ITIH5: variants seen among roughly 807,000 people sequenced by gnomAD.
ITIH5 encodes the protein inter-alpha-trypsin inhibitor heavy chain H5.
Under a neutral mutation model 77.5 loss-of-function variants are expected in ITIH5, and 65 were observed. The ratio of observed to expected loss-of-function variants is 0.84; its 90% confidence interval spans 0.69 to 1.03. ITIH5 has a LOEUF of 1.03. Among genes scored for constraint, ITIH5 ranks in the 50% least tolerant of loss-of-function variants. ITIH5 has a pLI of 0.00. For missense variants in ITIH5, 1,208 were observed against 1,213.1 expected (o/e 1.00, Z 0.06); for synonymous variants, 525 against 494.3 (o/e 1.06, Z -0.82).
intron 3 of ITIH5, among the ~76,000 whole-genome samples, chr10:7,641,673 G>A (rs1411388085): frequency 2.3e-5 from 2 of 87,028 alleles, no homozygotes; most frequent in Non-Finnish European, 4.6e-5. Context: ...AGGGAGGGAG[G>A]CAGGGAAGGA....
intron 5 of ITIH5, among the ~76,000 whole-genome samples, chr10:7,626,609 C>A (rs926871838): frequency 5.3e-5 from 8 of 152,192 alleles, no homozygotes; most frequent in African/African-American, 1.9e-4. Context: ...CAGCCAGTCA[C>A]AGTGCAGCCC....
At chr10:7,573,826 A>G (rs536378730) in intron 10 of ITIH5, among the ~76,000 whole-genome samples, 71 of 152,282 alleles carry the variant, frequency 4.7e-4, no homozygotes, top group Non-Finnish European at 9.1e-4. Flanking sequence ...ATATTTTATC[A>G]CACTTGAGAT....
At chr10:7,563,982 C>T (rs1832090935) in intron 13 of ITIH5, among the ~76,000 whole-genome samples, 1 of 152,276 alleles carries the variant, frequency 6.6e-6, no homozygotes, top group Admixed American at 6.5e-5. Context: ...CTGACAATGG[C>T]TTGCTCTTTA....
At chr10:7,582,033 G>A (rs1391603002) in intron 8 of ITIH5, among the ~76,000 whole-genome samples, 3 of 151,536 alleles carry the variant, frequency 2.0e-5, no homozygotes, top group Non-Finnish European at 4.4e-5. Context: ...ACGCCACCAT[G>A]CCTGGCTAAT....
intron 2 of ITIH5, among the ~76,000 whole-genome samples, chr10:7,651,205 C>A (rs1451688770): frequency 6.7e-6 from 1 of 149,592 alleles, no homozygotes; most frequent in Non-Finnish European, 1.5e-5. Flanking sequence ...TTCCTAGGAA[C>A]AGCAGACAAC....
In ITIH5 at chr10:7,562,889, C is replaced by T. The variant is rs1832063941; in HGVS notation, c.*194G>A. ...AGGCAGTAGAGGGAAATGACATTTG[C>T]ACTCAGGCTTCCCGCCCCTACCCAC... On this transcript the variant is annotated 3_prime_UTR_variant, in exon 14 of 14. Transcript: ENST00000397146. The T allele has an allele frequency of 4.7e-6, 3 of 635,626 alleles. No individual in the cohort carries two copies. The highest frequency in any genetic ancestry group is 8.5e-6 in the Non-Finnish European group (3 of 352,144). 39.4% of individuals were successfully genotyped at this position (635,626 alleles called of 1,614,324 possible).
chr10:7,640,620 A>G (rs1833869504), intron 4 of ITIH5, 134 bp downstream of exon 4: 1 of 624,302 alleles, frequency 1.6e-6, no homozygotes, highest in Admixed American at 2.9e-5. Context: ...CACTAGATGT[A>G]TTTATATTTT....
chr10:7,562,812 T>C lies in ITIH5; in HGVS notation c.*271A>G. ...ATACAGACTTTGTTGCATTTAGCTA[T>C]GACCCTTCTCTCCCCTCTGTGGATG... On this transcript the variant is annotated 3_prime_UTR_variant, in exon 14 of 14. Transcript: ENST00000397146. 2.0e-6 allele frequency: 1 copy of C among 504,308 alleles called. No individual in the cohort carries two copies. The highest frequency in any genetic ancestry group is 3.6e-6 in the Non-Finnish European group (1 of 277,828). The allele number at this position is 504,308 out of a possible 1,614,324, so 31.2% of individuals were successfully genotyped here. A position where few individuals can be genotyped will look rare whatever the true frequency, so the allele number is the denominator to read the frequency against.
intron 7 of ITIH5, among the ~76,000 whole-genome samples, chr10:7,605,639 A>C (rs1302620385): frequency 1.3e-5 from 2 of 152,082 alleles, no homozygotes; most frequent in Non-Finnish European, 2.9e-5. Flanking sequence ...GGTGTCCCGA[A>C]CCCAAGAAGT....
intron 2 of ITIH5, among the ~76,000 whole-genome samples, chr10:7,651,904 T>C (rs565973746): frequency 1.3e-5 from 2 of 152,216 alleles, no homozygotes; most frequent in Non-Finnish European, 2.9e-5. Context: ...TCCAGGGATC[T>C]GTGAGTATGA....
intron 7 of ITIH5, among the ~76,000 whole-genome samples, chr10:7,600,721 G>T (rs1025719992): frequency 1.3e-5 from 2 of 152,194 alleles, no homozygotes; most frequent in African/African-American, 4.8e-5. Context: ...AACACCCAAG[G>T]TGATGGTCCC....
intron 10 of ITIH5, among the ~76,000 whole-genome samples, chr10:7,575,335 T>G (rs1462220807): frequency 6.6e-6 from 1 of 152,126 alleles, no homozygotes; most frequent in African/African-American, 2.4e-5. Flanking sequence ...TCAGGAGGGT[T>G]GGTGAATCCT....
At chr10:7,619,072 C>G (rs2131039897) in intron 5 of ITIH5, 1 of 152,340 alleles carries the variant, frequency 6.6e-6, no homozygotes, top group African/African-American at 2.4e-5. Flanking sequence ...TTGGGAAAAT[C>G]CAGACAGTGC....
In ITIH5 at chr10:7,631,789, A is replaced by AT. The variant is rs34814719; in HGVS notation, c.652+5438dup. Among the ~76,000 whole-genome samples, 798 of 143,542 alleles carry AT rather than the reference A, an allele frequency of 5.6e-3. 10 individuals carry two copies. The South Asian group carries it at 0.059, about 11-fold the overall frequency. The allele number at this position is 143,542 out of a possible 152,430, so 94.2% of individuals were successfully genotyped here. A position where few individuals can be genotyped will look rare whatever the true frequency, so the allele number is the denominator to read the frequency against. On this transcript the variant is annotated intron_variant, in intron 5 of 13. Coordinates refer to ENST00000397146, the MANE Select transcript of ITIH5 (RefSeq NM_030569.7). The stretch of plus-strand genomic sequence containing the variant: ...TGAAATTGAGAAACAACTTTGTTTA[A>AT]TTTTTTTTTTTTTTTTAAACCAAAT...
chr10:7,577,222 G>A (rs550340316), intron 9 of ITIH5, among the ~76,000 whole-genome samples: 8 of 152,288 alleles, frequency 5.3e-5, no homozygotes, highest in African/African-American at 1.9e-4. Context: ...ATTCTCTCAC[G>A]CGGCTTCTGA....
At chr10:7,615,399 A>G (rs1247176931) in intron 7 of ITIH5, among the ~76,000 whole-genome samples, 1 of 152,246 alleles carries the variant, frequency 6.6e-6, no homozygotes, top group Non-Finnish European at 1.5e-5. Context: ...CGTATATGAA[A>G]GATTCTGACA....
chr10:7,614,121 TCA>T lies in ITIH5; in HGVS notation c.939+1859_939+1860del, dbSNP rs1833315257. Among the ~76,000 whole-genome samples the T allele has an allele frequency of 9.2e-5, 14 of 152,226 alleles. No individual in the cohort carries two copies. In the South Asian group the frequency reaches 2.9e-3, roughly 32 times the overall value. On this transcript the variant is annotated intron_variant, in intron 7 of 13. Coordinates refer to ENST00000397146, the MANE Select transcript of ITIH5 (RefSeq NM_030569.7). ...CCTTAAAGGATAAAAGTAAAATAAATCATTTTCAGACAAAGACAGAGAATTAT... is the reference window on the plus strand; with the variant it reads ...CCTTAAAGGATAAAAGTAAAATAAATTTTTCAGACAAAGACAGAGAATTAT...
chr10:7,644,818 T>TCA (rs368635533), intron 2 of ITIH5, among the ~76,000 whole-genome samples: 4 of 106,290 alleles, frequency 3.8e-5, no homozygotes, highest in South Asian at 3.1e-4. Context: ...CACATATATA[T>TCA]CATATATATC....
chr10:7,640,477 A>G (rs1033861164), intron 4 of ITIH5, among the ~76,000 whole-genome samples: 2 of 145,114 alleles, frequency 1.4e-5, no homozygotes, highest in African/African-American at 5.2e-5. Context: ...CCTCATTCCA[A>G]AAAAAAAAAA....
Sources: gnomAD v4.1 joint callset for allele counts (sites outside exome capture counted in the v4.1 genomes callset) on GRCh38, gnomAD v4.1.1 for gene constraint, MANE v1.5 for transcripts, NCBI Gene and HGNC (gene_info 2026-07-23, HGNC 2026-07-21) for gene names.